Variants in ERBIN observed in about 807,000 individuals in gnomAD.
ERBIN encodes the protein densin-180-like protein.
In ERBIN, 60 loss-of-function variants were observed where a neutral mutation model predicts 158.4. The ratio of observed to expected loss-of-function variants is 0.38; its 90% CI spans 0.31 to 0.47. ERBIN has a LOEUF of 0.47. Ranked by LOEUF, ERBIN falls within the 20% of genes least tolerant of loss-of-function variation. The pLI is 0.99. For synonymous variants in ERBIN, 594 were observed against 557.2 expected (o/e 1.07, Z -0.93); for missense variants, 1,610 against 1,648.0 (o/e 0.98, Z 0.40).
chr5:66,081,720 T>C lies in ERBIN; in HGVS notation c.*3190T>C, dbSNP rs1762394183. On this transcript the variant is annotated 3_prime_UTR_variant, in exon 26 of 26. Coordinates refer to ENST00000284037, the MANE Select transcript of ERBIN (RefSeq NM_001253697.2). The stretch of plus-strand genomic sequence containing the variant: ...GAGGCATTAAGATGGGAAATGTTTC[T>C]CTGATGGAGATTGACGTGTGAAATC... The C allele has an allele frequency of 6.6e-6, 1 of 152,172 alleles. No individual in the cohort carries two copies. The highest frequency in any genetic ancestry group is 6.5e-5 in the Admixed American group (1 of 15,280). 9.4% of individuals were successfully genotyped at this position (152,172 alleles called of 1,614,324 possible).
At chr5:65,934,498 A>T (rs553014607) in intron 1 of ERBIN, among the ~76,000 whole-genome samples, 2 of 151,884 alleles carry the variant, frequency 1.3e-5, no homozygotes, top group South Asian at 4.2e-4. Flanking sequence ...AATACCCCTC[A>T]ATTTTCATTT....
At chr5:65,971,421 G>T (rs1041435607) in intron 1 of ERBIN, among the ~76,000 whole-genome samples, 9 of 152,090 alleles carry the variant, frequency 5.9e-5, no homozygotes, top group African/African-American at 2.2e-4. Context: ...ATTTATATAT[G>T]AATTTTCACT....
At chr5:65,994,342 G>A (rs1486700642) in intron 3 of ERBIN, among the ~76,000 whole-genome samples, 4 of 152,122 alleles carry the variant, frequency 2.6e-5, no homozygotes, top group African/African-American at 9.7e-5. Flanking sequence ...GCGAATAACT[G>A]AATCATTTAT....
intron 4 of ERBIN, among the ~76,000 whole-genome samples, chr5:65,996,229 T>A (rs1466153202): frequency 6.9e-6 from 1 of 145,502 alleles, no homozygotes; most frequent in African/African-American, 2.6e-5. Flanking sequence ...TTCTCCTATT[T>A]TTTTTTTCCT....
At chr5:65,944,204 A>AT (rs778282107) in intron 1 of ERBIN, among the ~76,000 whole-genome samples, 3,584 of 81,726 alleles carry the variant, frequency 0.044, 175 homozygotes, top group Admixed American at 0.22. Flanking sequence ...TGTGTTTAGT[A>AT]TTTTTTTTTT....
intron 14 of ERBIN, among the ~76,000 whole-genome samples, chr5:66,029,113 TG>T (rs1418111859): frequency 6.6e-6 from 1 of 152,176 alleles, no homozygotes; most frequent in Non-Finnish European, 1.5e-5. Context: ...GCAGTGAACA[TG>T]GGAGTGCAGA....
At chr5:66,065,725 G>T (rs753230220) in intron 21 of ERBIN, among the ~76,000 whole-genome samples, 16 of 150,590 alleles carry the variant, frequency 1.1e-4, no homozygotes, top group Non-Finnish European at 1.9e-4. Context: ...GGAAATTCAG[G>T]CGCAGAATAA....
chr5:66,030,067 T>G (rs1210670245), intron 14 of ERBIN, among the ~76,000 whole-genome samples: 1 of 152,072 alleles, frequency 6.6e-6, no homozygotes, highest in Non-Finnish European at 1.5e-5. Flanking sequence ...TGACAGAGTC[T>G]TGCTCTGTCA....
chr5:66,010,937 C>T (rs551792388), intron 4 of ERBIN, among the ~76,000 whole-genome samples: 1 of 152,284 alleles, frequency 6.6e-6, no homozygotes, highest in Admixed American at 6.5e-5. Context: ...GAATCTTTCA[C>T]TGCAGTTTGA....
chr5:66,024,447 A>C lies in ERBIN; in HGVS notation c.814A>C (p.Ile272Leu), dbSNP rs756303996. Reference protein sequence around the residue: ...SNSLQQLPETIGSLKNITTLK... With the variant: ...SNSLQQLPETLGSLKNITTLK... ...TTCACTTCAGCAGCTTCCTGAGACT[A>C]TTGGTTTGTATTGCTTTCAAATTCA... is the stretch of plus-strand genomic sequence containing the variant. Residue 272 changes from isoleucine (I) to leucine (L), a missense_variant, in exon 10 of 26, where the codon ATT (isoleucine) becomes CTT (leucine). Ile to Leu is a conservative substitution (Grantham distance 5). Around this residue, in one of 2 missense-constraint regions of ERBIN, gnomAD observed 596 missense variants for 711.9 expected, o/e 0.84. Transcript: ENST00000284037. 1.3e-5 allele frequency: 21 copies of C among 1,579,804 alleles called. No individual in the cohort carries two copies. Among genetic ancestry groups the C allele is most frequent in the Non-Finnish European group, 1.7e-5 (20 of 1,171,052 alleles).
chr5:66,006,538 C>T (rs908401221), intron 4 of ERBIN, among the ~76,000 whole-genome samples: 4 of 152,100 alleles, frequency 2.6e-5, no homozygotes, highest in Non-Finnish European at 5.9e-5. Flanking sequence ...CCAAAATTGA[C>T]AAATGGGATC....
chr5:66,004,677 A>G (rs1753395962), intron 4 of ERBIN, among the ~76,000 whole-genome samples: 1 of 152,218 alleles, frequency 6.6e-6, no homozygotes, highest in African/African-American at 2.4e-5. Context: ...TGCTGGTATT[A>G]CATGCGTGAG....
chr5:65,978,845 C>G (rs547339793), intron 1 of ERBIN, among the ~76,000 whole-genome samples: 22 of 152,300 alleles, frequency 1.4e-4, no homozygotes, highest in African/African-American at 5.3e-4. Flanking sequence ...CCTGCAAATT[C>G]AAGGAGTGCT....
intron 2 of ERBIN, among the ~76,000 whole-genome samples, chr5:65,990,180 T>C (rs552520162): frequency 3.3e-5 from 5 of 152,338 alleles, no homozygotes; most frequent in Admixed American, 2.0e-4. Flanking sequence ...TTTACTGATA[T>C]TTGAATTGTT....
chr5:66,068,658 CAT>C (rs1488927222), intron 21 of ERBIN, among the ~76,000 whole-genome samples: 1 of 152,156 alleles, frequency 6.6e-6, no homozygotes, highest in Admixed American at 6.5e-5. Context: ...TTTGCTTAAA[CAT>C]GTGAATGGTT....
At position 66,047,456 on chromosome 5, in the gene ERBIN, G is replaced by GAT. The variant is rs543908313; in HGVS notation, c.1788+925_1788+926dup. ...ATTTTTGTGTACAGGTTTTTGTGTG[G>GAT]ATATATATTTTCATGAATGAAAAAT... On this transcript the variant is annotated intron_variant, in intron 18 of 25. Coordinates refer to ENST00000284037, the MANE Select transcript of ERBIN (RefSeq NM_001253697.2). Among the ~76,000 whole-genome samples the GAT allele has an allele frequency of 1.2e-3, 185 of 152,018 alleles. 1 individual carries two copies. Among genetic ancestry groups the GAT allele is most frequent in the African/African-American group, 4.4e-3 (182 of 41,482 alleles).
chr5:65,994,686 T>C, intron 3 of ERBIN, 61 bp from the exon 4 acceptor site: 1 of 906,022 alleles, frequency 1.1e-6, no homozygotes, highest in Non-Finnish European at 1.7e-6. Flanking sequence ...TAATAAAAGT[T>C]AGTTCATGAA....
At chr5:66,023,436 T>C in intron 9 of ERBIN, 72 bp downstream of exon 9, 1 of 862,690 alleles carries the variant, frequency 1.2e-6, no homozygotes, top group Non-Finnish European at 1.8e-6. Context: ...ATTGTACCTT[T>C]TATAATTACT....
intron 1 of ERBIN, among the ~76,000 whole-genome samples, chr5:65,932,496 A>G (rs1743565857): frequency 3.9e-5 from 6 of 152,204 alleles, no homozygotes; most frequent in Admixed American, 3.9e-4. Context: ...GGGAAAAATG[A>G]CATTTCAATA....
Sources: gnomAD v4.1 joint callset for allele counts (sites outside exome capture counted in the v4.1 genomes callset) on GRCh38, gnomAD v4.1.1 for gene constraint, gnomAD v4.1.1 regional missense constraint, MANE v1.5 for transcripts, NCBI Gene and HGNC (gene_info 2026-07-23, HGNC 2026-07-21) for gene names.